The following WDR7 variants were observed in gnomAD, a reference collection of about 807,000 sequenced individuals.
WDR7 encodes WD repeat-containing protein 7.
In WDR7, 46 loss-of-function variants were observed where a neutral mutation model predicts 169.4. The ratio of observed to expected loss-of-function variants is 0.27; its 90% CI spans 0.21 to 0.35. The LOEUF (loss-of-function observed/expected upper bound fraction) is 0.35, where lower values mean the gene tolerates loss of function less well. Ranked by LOEUF, WDR7 falls within the 10% of genes least tolerant of loss-of-function variation. The pLI, the probability that WDR7 is intolerant of heterozygous loss-of-function variation, is 1.00. For missense variants in WDR7, 1,534 were observed against 1,859.3 expected, an observed-to-expected ratio of 0.83 and a Z score of 3.22; for synonymous variants, 612 against 666.8, an observed-to-expected ratio of 0.92 and a Z score of 1.27.
At chr18:56,831,918 C>T (rs1404657991) in intron 20 of WDR7, among the ~76,000 whole-genome samples, 1 of 152,240 alleles carries the variant, frequency 6.6e-6, no homozygotes, top group African/African-American at 2.4e-5. Context: ...GCTGTTTGCG[C>T]GGACACCAAG....
chr18:56,673,421 A>T (rs1278032011), intron 2 of WDR7, among the ~76,000 whole-genome samples: 1 of 152,142 alleles, frequency 6.6e-6, no homozygotes, highest in Non-Finnish European at 1.5e-5. Flanking sequence ...CTACATAATT[A>T]ATCTGTTTCA....
intron 9 of WDR7, among the ~76,000 whole-genome samples, chr18:56,693,271 C>G (rs1440061291): frequency 1.3e-5 from 2 of 152,072 alleles, no homozygotes; most frequent in Non-Finnish European, 2.9e-5. Flanking sequence ...CTTTAATATT[C>G]CAGTATTTGT....
chr18:56,719,235 CAT>C (rs1316401946), intron 13 of WDR7, among the ~76,000 whole-genome samples: 4 of 152,166 alleles, frequency 2.6e-5, no homozygotes, highest in African/African-American at 4.8e-5. Flanking sequence ...ATTTTTGGCA[CAT>C]GTCTTTCTAA....
chr18:56,745,418 A>T (rs1163529433), intron 14 of WDR7, among the ~76,000 whole-genome samples: 1 of 152,178 alleles, frequency 6.6e-6, no homozygotes, highest in Non-Finnish European at 1.5e-5. Context: ...GGCACCAGGG[A>T]CTGGTTTCGT....
At chr18:56,785,711 G>T (rs899284081) in intron 19 of WDR7, among the ~76,000 whole-genome samples, 8 of 152,086 alleles carry the variant, frequency 5.3e-5, no homozygotes, top group Non-Finnish European at 1.2e-4. Flanking sequence ...CTTACTGACT[G>T]GGATCTTCTA....
intron 25 of WDR7, among the ~76,000 whole-genome samples, chr18:56,941,712 C>T (rs910201653): frequency 2.6e-5 from 4 of 152,150 alleles, no homozygotes; most frequent in Middle Eastern, 3.2e-3. Context: ...AAATAATTCT[C>T]AGCTGGGGTC....
chr18:57,019,728 A>G (rs1023170458), intron 26 of WDR7, among the ~76,000 whole-genome samples: 1 of 152,172 alleles, frequency 6.6e-6, no homozygotes, highest in South Asian at 2.1e-4. Context: ...GCCGAAACAC[A>G]TAACAAGCCT....
intron 13 of WDR7, among the ~76,000 whole-genome samples, chr18:56,725,930 G>C (rs2026440754): frequency 6.6e-6 from 1 of 152,244 alleles, no homozygotes; most frequent in Admixed American, 6.5e-5. Flanking sequence ...CCCATTTCTT[G>C]TTTTTGTGAG....
chr18:56,893,501 A>G (rs540415445), intron 21 of WDR7, among the ~76,000 whole-genome samples: 3 of 152,158 alleles, frequency 2.0e-5, no homozygotes, highest in East Asian at 1.9e-4. Context: ...ACCACCTGCC[A>G]TGTCCTTAGA....
chr18:56,716,548 G>A (rs964001709), intron 12 of WDR7, among the ~76,000 whole-genome samples: 5 of 152,118 alleles, frequency 3.3e-5, no homozygotes, highest in Non-Finnish European at 7.4e-5. Flanking sequence ...CATTATGCTA[G>A]TAAGATAAAA....
intron 1 of WDR7, among the ~76,000 whole-genome samples, chr18:56,659,208 AT>A (rs1266056696): frequency 3.3e-5 from 5 of 152,086 alleles, no homozygotes; most frequent in Non-Finnish European, 7.4e-5. Context: ...TGTTAATGAC[AT>A]TTTGATTAAG....
At chr18:57,013,596 A>G (rs1381708509) in intron 26 of WDR7, among the ~76,000 whole-genome samples, 1 of 152,248 alleles carries the variant, frequency 6.6e-6, no homozygotes, top group Non-Finnish European at 1.5e-5. Flanking sequence ...GAGAAGAGAG[A>G]AATAGAAGAG....
intron 26 of WDR7, among the ~76,000 whole-genome samples, chr18:56,970,971 C>G (rs981116700): frequency 6.6e-6 from 1 of 152,086 alleles, no homozygotes; most frequent in Non-Finnish European, 1.5e-5. Context: ...TGGGTATTCT[C>G]ATAAAAAATG....
rs376557420 is a variant in WDR7, at chr18:56,687,690, A to G, written c.717+716A>G. ...AGCCCAGGCTGGAGTGCAATGGCAC[A>G]ATCATAGTTCACTACAGCCTTGAAC... On this transcript the variant is annotated intron_variant, in intron 7 of 27. Coordinates refer to ENST00000254442, the MANE Select transcript of WDR7 (RefSeq NM_015285.3). Among the ~76,000 whole-genome samples the G allele has an allele frequency of 2.0e-5, 3 of 152,276 alleles. No homozygotes were observed. The East Asian group carries it at 5.8e-4, about 29-fold the overall frequency.
intron 26 of WDR7, among the ~76,000 whole-genome samples, chr18:56,992,755 T>G (rs2047836628): frequency 6.6e-6 from 1 of 152,188 alleles, no homozygotes; most frequent in African/African-American, 2.4e-5. Context: ...TCCTGTGACT[T>G]CTCTAAGCCA....
At chr18:56,997,809 T>C (rs2047919015) in intron 26 of WDR7, among the ~76,000 whole-genome samples, 1 of 152,208 alleles carries the variant, frequency 6.6e-6, no homozygotes, top group Admixed American at 6.5e-5. Context: ...GTAAAATGTA[T>C]ATAGCAAGAG....
rs373334699 is a variant in WDR7 at position 56,694,658 on chromosome 18, T to G, written c.1006T>G (p.Cys336Gly). 3.7e-6 allele frequency: 6 copies of G among 1,612,942 alleles called. No homozygotes were observed. Residue 336 changes from cysteine (C) to glycine (G), a missense_variant, in exon 10 of 28, where the codon TGC (cysteine) becomes GGC (glycine). By Grantham distance (159) the Cys-to-Gly change is radical. Coordinates refer to ENST00000254442, the MANE Select transcript of WDR7 (RefSeq NM_015285.3). ...TCCTGTTACTCGGTTCTTCTATGGA[T>G]GCAGAGAATATTTCCATAAACTGTT... The part of the protein sequence containing the change: ...CPPVTRFFYG[C>G]REYFHKLLIQ...
At chr18:56,730,890 T>A (rs988648396) in intron 13 of WDR7, among the ~76,000 whole-genome samples, 6 of 152,112 alleles carry the variant, frequency 3.9e-5, no homozygotes, top group African/African-American at 1.4e-4. Context: ...AGTCAAGAAT[T>A]TGCAGACAAA....
chr18:57,033,758 T>A (rs1399869033), downstream of WDR7: 3 of 149,204 alleles, frequency 2.0e-5, no homozygotes, highest in Non-Finnish European at 4.4e-5. Context: ...TCCGTAAAGA[T>A]TGCTTCCCAG....
Sources: gnomAD v4.1 joint callset for allele counts (sites outside exome capture counted in the v4.1 genomes callset) on GRCh38, gnomAD v4.1.1 for gene constraint, MANE v1.5 for transcripts, NCBI Gene and HGNC (gene_info 2026-07-23, HGNC 2026-07-21) for gene names.